The following HDAC4 variants were observed in gnomAD, a reference collection of about 807,000 sequenced individuals.
HDAC4 encodes histone deacetylase 4, also known as histone deacetylase A.
A neutral mutation model predicts 135.1 loss-of-function variants in HDAC4; 16 were observed. That is an observed-to-expected ratio of 0.12 (90% CI 0.08 to 0.18). The LOEUF (loss-of-function observed/expected upper bound fraction) is 0.18, where lower values mean the gene tolerates loss of function less well. Among genes scored for constraint, HDAC4 ranks in the 10% least tolerant of loss-of-function variants. HDAC4 has a pLI of 1.00. For missense variants in HDAC4, 1,143 were observed against 1,511.8 expected, an observed-to-expected ratio of 0.76 and a Z score of 4.05; for synonymous variants, 685 against 653.4, an observed-to-expected ratio of 1.05 and a Z score of -0.74.
At chr2:239,124,490 TC>T (rs1411255921) in intron 12 of HDAC4, among the ~76,000 whole-genome samples, 42 of 152,154 alleles carry the variant, frequency 2.8e-4, no homozygotes, top group African/African-American at 9.9e-4. Context: ...TGAATGACAT[TC>T]CGGCGTGTGG....
rs2052981345 is a variant in HDAC4, at chr2:239,313,448, T to C, written c.22+39230A>G. Among the ~76,000 whole-genome samples, 1 of 151,970 alleles carries C rather than the reference T, an allele frequency of 6.6e-6. No individual in the cohort carries two copies. The highest frequency in any genetic ancestry group is 1.5e-5 in the Non-Finnish European group (1 of 67,982). On this transcript the variant is annotated intron_variant, in intron 2 of 26. Coordinates refer to ENST00000543185, the MANE Select transcript of HDAC4 (RefSeq NM_001378414.1). This position sits in a 1 kb window ranked among gnomAD's most constrained non-coding sequence, Gnocchi z 5.1. ...ATCCCCAGGCTGCCCAGGAGCCCGC[T>C]CCTCCAATTGGGGGCTGGCCATCCC... is the stretch of plus-strand genomic sequence containing the variant.
intron 15 of HDAC4, among the ~76,000 whole-genome samples, chr2:239,105,106 T>C (rs1256509393): frequency 1.3e-5 from 2 of 152,242 alleles, no homozygotes; most frequent in African/African-American, 4.8e-5. Context: ...GTGGTGATGG[T>C]GGCCCCTTCC....
chr2:239,212,865 G>A (rs559990094), intron 3 of HDAC4, among the ~76,000 whole-genome samples: 1 of 152,292 alleles, frequency 6.6e-6, no homozygotes, highest in African/African-American at 2.4e-5. Context: ...AACATGCCCC[G>A]CCCAGCTTGT....
At position 239,098,288 on chromosome 2, in the gene HDAC4, C is replaced by T. The variant is rs1575017045; in HGVS notation, c.2234-3232G>A. ...GAAACGTTCCAGCCTGGTGACAGGG[C>T]CTGAAGCTCTGCAAACGACCAGCCT... On this transcript the variant is annotated intron_variant, in intron 16 of 26. Transcript: ENST00000543185. 2.0e-5 allele frequency among the ~76,000 whole-genome samples: 3 copies of T among 152,334 alleles called. No individual in the cohort carries two copies. In the East Asian group the frequency reaches 5.8e-4, roughly 29 times the overall value.
At chr2:239,160,960 C>T (rs748577473) in intron 6 of HDAC4, among the ~76,000 whole-genome samples, 3 of 152,198 alleles carry the variant, frequency 2.0e-5, no homozygotes, top group Non-Finnish European at 4.4e-5. Context: ...CTCCAGCACC[C>T]GGCCTGTTTC....
At chr2:239,283,417 G>A (rs576070275) in intron 2 of HDAC4, among the ~76,000 whole-genome samples, 64 of 152,326 alleles carry the variant, frequency 4.2e-4, no homozygotes, top group African/African-American at 1.5e-3. Context: ...CATGGCTACC[G>A]CCCCCCATGA....
intron 1 of HDAC4, among the ~76,000 whole-genome samples, chr2:239,373,088 G>T (rs537741580): frequency 9.5e-4 from 144 of 152,274 alleles, no homozygotes; most frequent in Middle Eastern, 3.4e-3. Flanking sequence ...CCTGGGGTCT[G>T]TGGCCCTGTG....
At chr2:239,217,228 A>C (rs1273057497) in intron 3 of HDAC4, among the ~76,000 whole-genome samples, 2 of 152,124 alleles carry the variant, frequency 1.3e-5, no homozygotes, top group Admixed American at 6.5e-5. Context: ...TCGCTCCCGG[A>C]AGCTCTCCAA....
intron 8 of HDAC4, 42 bp downstream of exon 8, chr2:239,144,540 CA>C: frequency 6.2e-7 from 1 of 1,611,982 alleles, no homozygotes; most frequent in Non-Finnish European, 8.5e-7. Flanking sequence ...GAAGGCCTGG[CA>C]GAGAGGGCAG....
intron 22 of HDAC4, among the ~76,000 whole-genome samples, chr2:239,080,532 T>C (rs1021886920): frequency 2.6e-5 from 4 of 152,226 alleles, no homozygotes; most frequent in African/African-American, 7.2e-5. Flanking sequence ...GACCCCAATC[T>C]GGCCTAGACC....
At position 239,053,794 on chromosome 2, in the gene HDAC4, T is replaced by C. The variant is rs114529249; in HGVS notation, c.3089-193A>G. On this transcript the variant is annotated intron_variant, in intron 25 of 26. Coordinates refer to ENST00000543185, the MANE Select transcript of HDAC4 (RefSeq NM_001378414.1). ...AACTCACAAAGACCCAAAAAATCTC[T>C]GGAAATGTTTCCCCATTGTGAGTGG... 0.024 allele frequency among the ~76,000 whole-genome samples: 3,705 copies of C among 152,274 alleles called. 167 individuals carry two copies. Among genetic ancestry groups the C allele is most frequent in the African/African-American group, 0.085 (3,522 of 41,544 alleles).
chr2:239,078,834 G>A (rs536247288), intron 22 of HDAC4, among the ~76,000 whole-genome samples: 27 of 152,194 alleles, frequency 1.8e-4, no homozygotes, highest in Non-Finnish European at 3.5e-4. Flanking sequence ...ACTGAGAAAC[G>A]CCTATGGGGT....
intron 3 of HDAC4, 60 bp from the exon 4 acceptor site, chr2:239,190,137 AG>A: frequency 1.3e-6 from 2 of 1,514,794 alleles, no homozygotes; most frequent in Non-Finnish European, 8.8e-7. Context: ...CCTGGGCCCC[AG>A]AGCCCCCACC....
rs2030502217 is a variant in HDAC4 at position 239,049,555 on chromosome 2, CGTGG to C, written c.*3538_*3541del. ...TACAAAAAGAAGAATGGAATGAGCA[CGTGG>C]CTGTGACCAGTAAAGAAGGAATGTT... On this transcript the variant is annotated 3_prime_UTR_variant, in exon 27 of 27. Transcript: ENST00000543185. The C allele has an allele frequency of 6.6e-6, 1 of 152,430 alleles. No homozygotes were observed. The highest frequency in any genetic ancestry group is 1.5e-5 in the Non-Finnish European group (1 of 68,036). 9.4% of individuals were successfully genotyped at this position (152,430 alleles called of 1,614,324 possible).
chr2:239,205,072 G>C (rs545995304), intron 3 of HDAC4, among the ~76,000 whole-genome samples: 1 of 152,090 alleles, frequency 6.6e-6, no homozygotes, highest in Admixed American at 6.5e-5. Flanking sequence ...TCATCCTTCC[G>C]GCCTGGTCTC....
chr2:239,176,766 C>T (rs978310977), intron 4 of HDAC4, among the ~76,000 whole-genome samples: 3 of 152,138 alleles, frequency 2.0e-5, no homozygotes, highest in Admixed American at 1.3e-4. Flanking sequence ...GTCTTACCTT[C>T]GAAGTGGAAA....
intron 2 of HDAC4, among the ~76,000 whole-genome samples, chr2:239,317,060 G>C (rs2053140581): frequency 6.6e-6 from 1 of 152,208 alleles, no homozygotes; most frequent in African/African-American, 2.4e-5. Context: ...GTGGCTTTTA[G>C]ACCCGGTATC....
chr2:239,049,071 T>C lies in HDAC4; in HGVS notation c.*4026A>G, dbSNP rs1339641483. On this transcript the variant is annotated 3_prime_UTR_variant, in exon 27 of 27. Coordinates refer to ENST00000543185, the MANE Select transcript of HDAC4 (RefSeq NM_001378414.1). Reference sequence around the variant, plus strand: ...CTCGAGAGAGACAGGCAGTTCACTGTGAATTCTGAGTAGTTTCCCTAAAAC... The same window carrying C: ...CTCGAGAGAGACAGGCAGTTCACTGCGAATTCTGAGTAGTTTCCCTAAAAC... 1 of 152,252 alleles carries C rather than the reference T, an allele frequency of 6.6e-6. No individual in the cohort carries two copies. Among genetic ancestry groups the C allele is most frequent in the Non-Finnish European group, 1.5e-5 (1 of 68,046 alleles). 9.4% of individuals were successfully genotyped at this position (152,252 alleles called of 1,614,324 possible). A position where few individuals can be genotyped will look rare whatever the true frequency, so the allele number is the denominator to read the frequency against.
At chr2:239,314,917 C>T (rs1003682055) in intron 2 of HDAC4, among the ~76,000 whole-genome samples, 1 of 152,112 alleles carries the variant, frequency 6.6e-6, no homozygotes, top group Non-Finnish European at 1.5e-5. Flanking sequence ...GACGGGCATT[C>T]AGATGTGCCT....
Sources: allele counts gnomAD v4.1 joint callset (sites outside exome capture counted in the v4.1 genomes callset), GRCh38; gene constraint gnomAD v4.1.1; non-coding constraint Gnocchi (gnomAD v3.1); transcripts MANE v1.5; gene names NCBI Gene and HGNC (gene_info 2026-07-23, HGNC 2026-07-21).